ARHGEF17: variants seen among roughly 807,000 people sequenced by gnomAD.
ARHGEF17 encodes 164 kDa Rho-specific guanine-nucleotide exchange factor.
A neutral mutation model predicts 174.0 loss-of-function variants in ARHGEF17; 80 were observed. The observed-to-expected ratio is 0.46, with a 90% confidence interval of 0.38 to 0.55. The LOEUF (loss-of-function observed/expected upper bound fraction) is 0.55, where lower values mean the gene tolerates loss of function less well. Ranked by LOEUF, ARHGEF17 falls within the 20% of genes least tolerant of loss-of-function variation. The pLI, the probability that ARHGEF17 is intolerant of heterozygous loss-of-function variation, is 0.00. For synonymous variants in ARHGEF17, 1,311 were observed against 1,189.1 expected (o/e 1.10, Z -2.11); for missense variants, 2,886 against 2,839.7 (o/e 1.02, Z -0.37).
intron 9 of ARHGEF17, among the ~76,000 whole-genome samples, chr11:73,357,690 A>G (rs1865668583): frequency 6.6e-6 from 1 of 152,266 alleles, no homozygotes. Flanking sequence ...TTTCACACAC[A>G]GGGAACAGAC....
rs1185490085 is a variant in ARHGEF17, at chr11:73,362,462, C to T, written c.4724C>T (p.Pro1575Leu). The T allele has an allele frequency of 1.9e-6, 3 of 1,586,728 alleles. No individual in the cohort carries two copies. The highest frequency in any genetic ancestry group is 2.6e-6 in the Non-Finnish European group (3 of 1,170,540). Reference protein sequence around the residue: ...REPPPSLRSPPETAPEPAGPE... With the variant: ...REPPPSLRSPLETAPEPAGPE... ...CCTCCTCCGTCGCTGAGGAGTCCTC[C>T]AGAGACGGCACCGGAGCCCGCCGGG... Residue 1575 changes from proline (P) to leucine (L), a missense_variant, in exon 14 of 21, where the codon CCA (proline) becomes CTA (leucine). By Grantham distance (98) the Pro-to-Leu change is moderately conservative (BLOSUM62 -3). Around this residue, in one of 4 missense-constraint regions of ARHGEF17, gnomAD observed 476 missense variants for 473.1 expected, o/e 1.01. Transcript: ENST00000263674.
Position 73,360,458 on chromosome 11 carries a change from T to C in ARHGEF17, c.4345T>C (p.Tyr1449His), listed in dbSNP as rs747288561. The change falls in exon 11 of 21, where the codon TAC (tyrosine) becomes CAC (histidine). Residue 1449 changes from tyrosine to histidine, a missense_variant. Around this residue, in one of 4 missense-constraint regions of ARHGEF17, gnomAD observed 476 missense variants for 473.1 expected, o/e 1.01. Transcript: ENST00000263674. The part of the protein sequence containing the change: ...CATRPEGTDS[Y>H]IFEFPHPDAR... ...CACTCGGCCCGAGGGCACCGACTCC[T>C]ACATTTTTGAGTTCCCTCACCCTGA... is the stretch of plus-strand genomic sequence containing the variant. 6.2e-7 allele frequency: 1 copy of C among 1,614,086 alleles called. No homozygotes were observed. The highest frequency in any genetic ancestry group is 8.5e-7 in the Non-Finnish European group (1 of 1,180,046).
At chr11:73,363,888 G>A (rs1056876398) in intron 16 of ARHGEF17, 55 bp downstream of exon 16, 4 of 1,548,728 alleles carry the variant, frequency 2.6e-6, no homozygotes, top group Middle Eastern at 1.7e-4. Flanking sequence ...ACACGTGCAG[G>A]CCTCCTTCTG....
At position 73,308,804 on chromosome 11, in the gene ARHGEF17, C is replaced by T. The variant is rs1864740014; in HGVS notation, c.166C>T (p.Arg56Trp). 2.9e-6 allele frequency: 4 copies of T among 1,359,820 alleles called. No individual in the cohort carries two copies. Among genetic ancestry groups the T allele is most frequent in the Non-Finnish European group, 3.8e-6 (4 of 1,063,244 alleles). The allele number at this position is 1,359,820 out of a possible 1,614,324, so 84.2% of individuals were successfully genotyped here. ...PTTAARGQPSRRVSKLASGPL... is the reference protein window; with the variant it reads ...PTTAARGQPSWRVSKLASGPL... ...CACGGCTGCCCGGGGCCAGCCCTCTCGGCGCGTGTCCAAGCTGGCGTCTGG... is the reference window on the plus strand; with the variant it reads ...CACGGCTGCCCGGGGCCAGCCCTCTTGGCGCGTGTCCAAGCTGGCGTCTGG... The change falls in exon 1 of 21, where the codon CGG becomes TGG. Residue 56 changes from arginine to tryptophan, a missense_variant. Arg to Trp is a moderately radical substitution (Grantham distance 101). Around this residue, in one of 4 missense-constraint regions of ARHGEF17, gnomAD observed 1,728 missense variants for 1,461.2 expected, o/e 1.18. Transcript: ENST00000263674.
intron 1 of ARHGEF17, among the ~76,000 whole-genome samples, chr11:73,346,166 T>C (rs1189626804): frequency 6.6e-6 from 1 of 152,090 alleles, no homozygotes; most frequent in South Asian, 2.1e-4. Flanking sequence ...GTTTCCTTTT[T>C]CCCCTCCCTA....
chr11:73,367,554 AAGCTGAC>A, intron 20 of ARHGEF17, 23 bp from the exon 21 acceptor site: 13 of 1,583,160 alleles, frequency 8.2e-6, no homozygotes, highest in Non-Finnish European at 1.1e-5. Flanking sequence ...ATTCGCCCCC[AAGCTGAC>A]AGATCCTCCC....
At chr11:73,332,616 G>A (rs1865226866) in intron 1 of ARHGEF17, among the ~76,000 whole-genome samples, 1 of 152,094 alleles carries the variant, frequency 6.6e-6, no homozygotes, top group Non-Finnish European at 1.5e-5. Context: ...CATGCTGGGA[G>A]CCTGGGCTGC....
At chr11:73,354,555 A>G (rs1283527767) in intron 3 of ARHGEF17, among the ~76,000 whole-genome samples, 1 of 152,156 alleles carries the variant, frequency 6.6e-6, no homozygotes, top group Non-Finnish European at 1.5e-5. Context: ...CTCTACTAAA[A>G]ATACAAAAAT....
rs1217677880 is a variant in ARHGEF17 at position 73,308,611 on chromosome 11, C to T, written c.-28C>T. The T allele has an allele frequency of 3.2e-5, 45 of 1,422,804 alleles. No individual in the cohort carries two copies. The highest frequency in any genetic ancestry group is 4.0e-5 in the Non-Finnish European group (44 of 1,092,990). 88.1% of individuals were successfully genotyped at this position (1,422,804 alleles called of 1,614,324 possible). A position where few individuals can be genotyped will look rare whatever the true frequency, so the allele number is the denominator to read the frequency against. Reference sequence around the variant, plus strand: ...GGGGTTGGCCGCGGCTGCCCGAGGCCAGCCCCCCCGGAGTGAGTTACGCCA... The same window carrying T: ...GGGGTTGGCCGCGGCTGCCCGAGGCTAGCCCCCCCGGAGTGAGTTACGCCA... On this transcript the variant is annotated 5_prime_UTR_variant, in exon 1 of 21. Coordinates refer to ENST00000263674, the MANE Select transcript of ARHGEF17 (RefSeq NM_014786.4).
intron 1 of ARHGEF17, among the ~76,000 whole-genome samples, chr11:73,345,107 C>T (rs781735429): frequency 1.5e-4 from 23 of 152,104 alleles, no homozygotes; most frequent in Non-Finnish European, 3.1e-4. Flanking sequence ...CCTTCCTGGC[C>T]CTCCACGCTC....
rs771925312 is a variant in ARHGEF17 at position 73,363,735 on chromosome 11, C to G, written c.5247-12C>G. On this transcript the variant is annotated splice_polypyrimidine_tract_variant and intron_variant, in intron 15 of 20. Coordinates refer to ENST00000263674, the MANE Select transcript of ARHGEF17 (RefSeq NM_014786.4). ...CCAAGCATTTGTCCCAGGTGCATAC[C>G]CCGATCCACAGTGTCCACGTGTACC... 5.0e-6 allele frequency: 8 copies of G among 1,613,802 alleles called. No homozygotes were observed. In the Admixed American group the frequency reaches 1.0e-4, roughly 20 times the overall value.
intron 3 of ARHGEF17, among the ~76,000 whole-genome samples, chr11:73,354,956 G>T (rs1167039725): frequency 6.6e-6 from 1 of 152,254 alleles, no homozygotes; most frequent in African/African-American, 2.4e-5. Context: ...TTTTCATGGA[G>T]AGGGAGAACT....
chr11:73,325,550 A>G (rs572468104), intron 1 of ARHGEF17, among the ~76,000 whole-genome samples: 1 of 149,646 alleles, frequency 6.7e-6, no homozygotes, highest in Admixed American at 6.7e-5. Context: ...GTACACACAC[A>G]CTCTCTCTCT....
intron 1 of ARHGEF17, among the ~76,000 whole-genome samples, chr11:73,329,366 TA>T (rs1565193775): frequency 1.1e-3 from 22 of 19,766 alleles, no homozygotes; most frequent in African/African-American, 2.9e-3. Flanking sequence ...TATATATATA[TA>T]TATATATTTT....
chr11:73,349,084 G>A (rs112941682), intron 2 of ARHGEF17, among the ~76,000 whole-genome samples: 4,081 of 152,318 alleles, frequency 0.027, 77 homozygotes, highest in Non-Finnish European at 0.041. Context: ...TCCTGTGCAC[G>A]CAAGGAAGCC....
In ARHGEF17 at chr11:73,365,354, C is replaced by T; in HGVS notation, c.5551-36C>T. The stretch of plus-strand genomic sequence containing the variant: ...CTAGGGTGGGCCAAGGGAGGCAGGC[C>T]TGCCAATGACCCATCTTCTCCCCCG... On this transcript the variant is annotated intron_variant, in intron 18 of 20. Transcript: ENST00000263674. The surrounding 1 kb of genome is among the most constrained non-coding windows in gnomAD (Gnocchi z 4.9). 1 of 1,611,306 alleles carries T rather than the reference C, an allele frequency of 6.2e-7. No homozygotes were observed.
chr11:73,311,865 AAAG>A (rs770901893), intron 1 of ARHGEF17, 35 bp downstream of exon 1: 22 of 1,559,902 alleles, frequency 1.4e-5, no homozygotes, highest in Non-Finnish European at 1.8e-5. Context: ...GATTGGGGCC[AAAG>A]AAGGGCCATG....
At chr11:73,321,463 A>G (rs943628635) in intron 1 of ARHGEF17, among the ~76,000 whole-genome samples, 2 of 152,246 alleles carry the variant, frequency 1.3e-5, no homozygotes, top group Non-Finnish European at 2.9e-5. Flanking sequence ...GATAAGGGTT[A>G]AAATCACAAC....
chr11:73,329,524 C>T (rs1378503948), intron 1 of ARHGEF17, among the ~76,000 whole-genome samples: 2 of 150,132 alleles, frequency 1.3e-5, no homozygotes, highest in Non-Finnish European at 3.0e-5. Context: ...CTCAGCCTCC[C>T]GAGTAGCTTG....
Sources: allele counts gnomAD v4.1 joint callset (sites outside exome capture counted in the v4.1 genomes callset), GRCh38; gene constraint gnomAD v4.1.1; regional missense constraint gnomAD v4.1.1; non-coding constraint Gnocchi (gnomAD v3.1); transcripts MANE v1.5; gene names NCBI Gene and HGNC (gene_info 2026-07-23, HGNC 2026-07-21).